ZFPM2: variants seen among roughly 807,000 people sequenced by gnomAD.
ZFPM2 encodes zinc finger protein ZFPM2.
In ZFPM2, 20 loss-of-function variants were observed where a neutral mutation model predicts 98.6. That is an observed-to-expected ratio of 0.20 (90% CI 0.14 to 0.29). The LOEUF is 0.29. ZFPM2 is among the 10% of genes least tolerant of loss of function. The probability of loss-of-function intolerance (pLI) is 1.00; values close to 1 mark genes in which losing one functional copy is unlikely to be tolerated. For synonymous variants in ZFPM2, 518 were observed against 502.7 expected (o/e 1.03, Z -0.41); for missense variants, 1,310 against 1,388.6 (o/e 0.94, Z 0.90).
At chr8:105,428,271 G>C (rs1208842408) in intron 2 of ZFPM2, among the ~76,000 whole-genome samples, 1 of 152,032 alleles carries the variant, frequency 6.6e-6, no homozygotes, top group Non-Finnish European at 1.5e-5. Context: ...CAAAAATAAG[G>C]GTGCTTACAA....
At chr8:105,665,300 T>G (rs1358756765) in intron 5 of ZFPM2, among the ~76,000 whole-genome samples, 1 of 152,136 alleles carries the variant, frequency 6.6e-6, no homozygotes, top group African/African-American at 2.4e-5. Context: ...ATTGAGAAAT[T>G]AAGGTTCCAA....
chr8:105,570,955 C>CT (rs1168958445), intron 4 of ZFPM2, among the ~76,000 whole-genome samples: 1 of 152,100 alleles, frequency 6.6e-6, no homozygotes, highest in African/African-American at 2.4e-5. Flanking sequence ...CCAAGGAGAA[C>CT]TTTTGTTGAA....
chr8:105,718,156 CCTGGGACTGAAT>C (rs1811568185), intron 5 of ZFPM2, among the ~76,000 whole-genome samples: 1 of 152,070 alleles, frequency 6.6e-6, no homozygotes, highest in Non-Finnish European at 1.5e-5. Flanking sequence ...CTGGCAACTA[CCTGGGACTGAAT>C]CAATGTCTTG....
rs373718426 is a variant in ZFPM2 at position 105,667,726 on chromosome 8, G to A, written c.532+33369G>A. ...GAATATCTTTCCTCTATTAAAGCCA[G>A]ATATTAAGGAGATTTGCCCAAATAT... On this transcript the variant is annotated intron_variant, in intron 5 of 7. Transcript: ENST00000407775. 7.2e-5 allele frequency among the ~76,000 whole-genome samples: 11 copies of A among 152,266 alleles called. No individual in the cohort carries two copies. The South Asian group carries it at 2.3e-3, about 32-fold the overall frequency.
chr8:105,741,521 G>A (rs1269139358), intron 5 of ZFPM2, among the ~76,000 whole-genome samples: 12 of 152,036 alleles, frequency 7.9e-5, no homozygotes, highest in Non-Finnish European at 1.2e-4. Flanking sequence ...CCAGGTGAGC[G>A]GAGCAAAGTT....
chr8:105,509,444 C>T (rs572140763), intron 3 of ZFPM2, among the ~76,000 whole-genome samples: 2 of 152,212 alleles, frequency 1.3e-5, no homozygotes, highest in Non-Finnish European at 2.9e-5. Context: ...TTAAATTGTT[C>T]ATGCGATATG....
At chr8:105,524,176 C>A (rs1177299107) in intron 3 of ZFPM2, among the ~76,000 whole-genome samples, 23 of 152,028 alleles carry the variant, frequency 1.5e-4, no homozygotes, top group Non-Finnish European at 4.4e-5. Flanking sequence ...TATGTTAATG[C>A]TGGAAAGTCT....
At chr8:105,620,990 G>A (rs1364639931) in intron 4 of ZFPM2, among the ~76,000 whole-genome samples, 1 of 151,730 alleles carries the variant, frequency 6.6e-6, no homozygotes, top group Non-Finnish European at 1.5e-5. Context: ...TGTTCTTTTG[G>A]CAGATTATCT....
chr8:105,761,607 C>T lies in ZFPM2; in HGVS notation c.533-27111C>T, dbSNP rs546237976. On this transcript the variant is annotated intron_variant, in intron 5 of 7. Transcript: ENST00000407775. ...AAGAATATCAGGATGGGTATTTCTA[C>T]TTTTGTCCTTCTAACGTCTCTTTAG... Among the ~76,000 whole-genome samples the T allele has an allele frequency of 3.7e-4, 56 of 151,902 alleles. No homozygotes were observed. In the South Asian group the frequency reaches 0.011, roughly 31 times the overall value.
intron 2 of ZFPM2, among the ~76,000 whole-genome samples, chr8:105,425,631 C>G (rs1811892440): frequency 1.3e-5 from 2 of 152,172 alleles, no homozygotes; most frequent in South Asian, 2.1e-4. Context: ...ATGTTTCCCC[C>G]CTCCTCCCAT....
intron 1 of ZFPM2, among the ~76,000 whole-genome samples, chr8:105,385,436 A>G (rs1397481567): frequency 6.6e-6 from 1 of 152,208 alleles, no homozygotes. Flanking sequence ...ATTGGCTGGT[A>G]TGTAGCTTAG....
At chr8:105,407,789 A>G (rs1706136711) in intron 1 of ZFPM2, among the ~76,000 whole-genome samples, 1 of 151,966 alleles carries the variant, frequency 6.6e-6, no homozygotes. Context: ...TGGTAAATGC[A>G]TTTTGACTCT....
At chr8:105,496,002 G>A (rs1458993292) in intron 3 of ZFPM2, among the ~76,000 whole-genome samples, 1 of 151,940 alleles carries the variant, frequency 6.6e-6, no homozygotes, top group Non-Finnish European at 1.5e-5. Flanking sequence ...AGCCATATTA[G>A]GATTACAAAA....
At chr8:105,612,124 C>T (rs971525532) in intron 4 of ZFPM2, among the ~76,000 whole-genome samples, 2 of 152,050 alleles carry the variant, frequency 1.3e-5, no homozygotes, top group African/African-American at 4.8e-5. Context: ...CAGTTCTTTA[C>T]TCATTAAGAA....
intron 5 of ZFPM2, among the ~76,000 whole-genome samples, chr8:105,694,464 T>C (rs1472831674): frequency 6.6e-6 from 1 of 152,134 alleles, no homozygotes; most frequent in Non-Finnish European, 1.5e-5. Context: ...CATAAAAATA[T>C]CGAGCAAGTT....
At chr8:105,736,598 A>T (rs1029332115) in intron 5 of ZFPM2, among the ~76,000 whole-genome samples, 2 of 152,088 alleles carry the variant, frequency 1.3e-5, no homozygotes, top group African/African-American at 4.8e-5. Context: ...TCCACGAGTC[A>T]TATTATCACT....
chr8:105,736,200 A>G (rs1349124953), intron 5 of ZFPM2, among the ~76,000 whole-genome samples: 1 of 151,990 alleles, frequency 6.6e-6, no homozygotes, highest in East Asian at 1.9e-4. Flanking sequence ...TGCAGATGCC[A>G]AGATATCTAT....
intron 5 of ZFPM2, among the ~76,000 whole-genome samples, chr8:105,732,162 G>A (rs948482094): frequency 2.0e-5 from 3 of 151,668 alleles, no homozygotes; most frequent in Admixed American, 6.6e-5. Flanking sequence ...AATAGCATTC[G>A]TATGATCACT....
chr8:105,801,705 C>A lies in ZFPM2; in HGVS notation c.1623C>A (p.Ser541Arg). 6.2e-7 allele frequency: 1 copy of A among 1,613,782 alleles called. No individual in the cohort carries two copies. The highest frequency in any genetic ancestry group is 8.5e-7 in the Non-Finnish European group (1 of 1,179,870). The change falls in exon 8 of 8, where the codon AGC becomes AGA. Residue 541 changes from serine (S) to arginine (R), a missense_variant. By Grantham distance (110) the Ser-to-Arg change is moderately radical (BLOSUM62 -1). Transcript: ENST00000407775. Reference protein sequence around the residue: ...GSSSYPPVIYSPLMPKGATCF... With the variant: ...GSSSYPPVIYRPLMPKGATCF... ...GTAGCTACCCTCCCGTCATTTACAG[C>A]CCTTTGATGCCCAAGGGGGCTACTT... is the stretch of plus-strand genomic sequence containing the variant.
Sources: gnomAD v4.1 joint callset for allele counts (sites outside exome capture counted in the v4.1 genomes callset) on GRCh38, gnomAD v4.1.1 for gene constraint, MANE v1.5 for transcripts, NCBI Gene and HGNC (gene_info 2026-07-23, HGNC 2026-07-21) for gene names.